KIF6: variants seen among roughly 807,000 people sequenced by gnomAD.
KIF6 encodes kinesin-like protein KIF6.
Under a neutral mutation model 112.7 loss-of-function variants are expected in KIF6, and 106 were observed. The observed-to-expected ratio is 0.94, with a 90% CI of 0.80 to 1.11. KIF6 has a LOEUF of 1.11. Ranked by LOEUF, KIF6 falls within the 50% of genes least tolerant of loss-of-function variation. The pLI, the probability that KIF6 is intolerant of heterozygous loss-of-function variation, is 0.00. For missense variants in KIF6, 929 were observed against 964.0 expected, an observed-to-expected ratio of 0.96 and a Z score of 0.48; for synonymous variants, 339 against 339.9, an observed-to-expected ratio of 1.00 and a Z score of 0.03.
chr6:39,342,917 A>C lies in KIF6; in HGVS notation c.2428+792T>G. 1.0e-6 allele frequency: 1 copy of C among 985,380 alleles called. No homozygotes were observed. The highest frequency in any genetic ancestry group is 1.2e-6 in the Non-Finnish European group (1 of 829,912). The allele number at this position is 985,380 out of a possible 1,614,324, so 61.0% of individuals were successfully genotyped here. A position where few individuals can be genotyped will look rare whatever the true frequency, so the allele number is the denominator to read the frequency against. ...GGCAGGCATCAGTCATTATACATCGAATCTGCCAGCCCATACCATCACGGT... is the reference window on the plus strand; with the variant it reads ...GGCAGGCATCAGTCATTATACATCGCATCTGCCAGCCCATACCATCACGGT... On this transcript the variant is annotated intron_variant, in intron 22 of 22. Coordinates refer to ENST00000287152, the MANE Select transcript of KIF6 (RefSeq NM_145027.6). This position sits in a 1 kb window ranked among gnomAD's most constrained non-coding sequence, Gnocchi z 4.7.
intron 6 of KIF6, among the ~76,000 whole-genome samples, chr6:39,597,263 G>C (rs1782327122): frequency 6.6e-6 from 1 of 152,142 alleles, no homozygotes; most frequent in Non-Finnish European, 1.5e-5. Context: ...AAAATGAAAA[G>C]TAATGCTGTT....
In KIF6 at chr6:39,596,127, G is replaced by T; in HGVS notation, c.773C>A (p.Ala258Glu). Reference protein sequence around the residue: ...LVDLAGSERVAKTGVGGHLLT... With the variant: ...LVDLAGSERVEKTGVGGHLLT... ...AAGATGGCCCCCTACTCCAGTCTTTGCAACTCGCTCTGAACCAGCCAGGTC... is the reference window on the plus strand; with the variant it reads ...AAGATGGCCCCCTACTCCAGTCTTTTCAACTCGCTCTGAACCAGCCAGGTC... The change falls in exon 7 of 23, where the codon GCA becomes GAA. Residue 258 changes from alanine to glutamate, a missense_variant. Around this residue, in one of 2 missense-constraint regions of KIF6, gnomAD observed 688 missense variants for 662.7 expected, o/e 1.04. Coordinates refer to ENST00000287152, the MANE Select transcript of KIF6 (RefSeq NM_145027.6). The T allele has an allele frequency of 6.2e-7, 1 of 1,613,978 alleles. No homozygotes were observed. The highest frequency in any genetic ancestry group is 8.5e-7 in the Non-Finnish European group (1 of 1,179,972).
intron 13 of KIF6, among the ~76,000 whole-genome samples, chr6:39,510,895 A>AAAAAAC (rs1776745735): frequency 6.7e-6 from 1 of 150,172 alleles, no homozygotes; most frequent in Non-Finnish European, 1.5e-5. Context: ...AAAAAAAAAA[A>AAAAAAC]AAGCAAGGGT....
At position 39,582,029 on chromosome 6, in the gene KIF6, T is replaced by C. The variant is rs1263136655; in HGVS notation, c.1077+2869A>G. ...ATCGGATCATGTGGGTTTTGTTTGC[T>C]TCTTTTTTAAAAATATTCTTAGGAT... On this transcript the variant is annotated intron_variant, in intron 9 of 22. Coordinates refer to ENST00000287152, the MANE Select transcript of KIF6 (RefSeq NM_145027.6). Among the ~76,000 whole-genome samples, 3 of 152,204 alleles carry C rather than the reference T, an allele frequency of 2.0e-5. 1 individual carries two copies. Among genetic ancestry groups the C allele is most frequent in the Non-Finnish European group, 4.4e-5 (3 of 68,036 alleles).
intron 13 of KIF6, among the ~76,000 whole-genome samples, chr6:39,529,786 CA>C (rs535194270): frequency 6.3e-5 from 9 of 141,876 alleles, no homozygotes; most frequent in Non-Finnish European, 1.1e-4. Flanking sequence ...GACTCCGTCT[CA>C]AAAAAAAAAG....
chr6:39,511,932 C>G (rs796822502), intron 13 of KIF6, among the ~76,000 whole-genome samples: 11 of 152,150 alleles, frequency 7.2e-5, no homozygotes, highest in African/African-American at 2.4e-4. Context: ...CATCCCACAC[C>G]CAGGCCTGTT....
At chr6:39,480,555 G>A (rs11752977) in intron 13 of KIF6, among the ~76,000 whole-genome samples, 6,974 of 151,940 alleles carry the variant, frequency 0.046, 169 homozygotes, top group Non-Finnish European at 0.053. Flanking sequence ...TTGGTATTAC[G>A]GTGATGCTGG....
chr6:39,392,578 GTGGATAGAACAGAAATTT>G (rs1356711123), intron 15 of KIF6, among the ~76,000 whole-genome samples: 4 of 152,192 alleles, frequency 2.6e-5, no homozygotes, highest in Non-Finnish European at 5.9e-5. Context: ...ACAAGAATAG[GTGGATAGAACAGAAATTT>G]TGAAATAAAA....
chr6:39,516,734 C>CCA (rs1294319091), intron 13 of KIF6, among the ~76,000 whole-genome samples: 1 of 152,068 alleles, frequency 6.6e-6, no homozygotes, highest in Non-Finnish European at 1.5e-5. Context: ...GGATGTGTTG[C>CCA]CACATGCAAC....
chr6:39,578,079 T>C lies in KIF6; in HGVS notation c.1158A>G (p.Ala386=), dbSNP rs1468385357. The C allele has an allele frequency of 1.2e-6, 2 of 1,613,710 alleles. No homozygotes were observed. Among genetic ancestry groups the C allele is most frequent in the Non-Finnish European group, 1.7e-6 (2 of 1,179,670 alleles). The change falls in exon 10 of 23, where the codon GCA becomes GCG. Residue 386 remains alanine (A), a synonymous_variant. Transcript: ENST00000287152. ...ACTGAAGGAGCTCTGCTTCTGTGAG[T>C]GCCTCTGTCCTCTGCTCCCCAGTGA... is the stretch of plus-strand genomic sequence containing the variant. ...AMVTGEQRTE[A]LTEAELLQLE...
chr6:39,453,875 A>C lies in KIF6; in HGVS notation c.1646-22714T>G, dbSNP rs191995254. 1.3e-3 allele frequency among the ~76,000 whole-genome samples: 191 copies of C among 152,248 alleles called. 1 individual carries two copies. Among genetic ancestry groups the C allele is most frequent in the African/African-American group, 4.4e-3 (181 of 41,530 alleles). On this transcript the variant is annotated intron_variant, in intron 13 of 22. Coordinates refer to ENST00000287152, the MANE Select transcript of KIF6 (RefSeq NM_145027.6). Reference sequence around the variant, plus strand: ...CTGGCTTCTTGGCATAGTTCTCTCCATATTCCCCTTGTATGTCTGTGACTG... The same window carrying C: ...CTGGCTTCTTGGCATAGTTCTCTCCCTATTCCCCTTGTATGTCTGTGACTG...
chr6:39,581,388 C>T (rs1236276904), intron 9 of KIF6, among the ~76,000 whole-genome samples: 3 of 151,744 alleles, frequency 2.0e-5, no homozygotes, highest in African/African-American at 7.3e-5. Context: ...TGCACCTGAC[C>T]TCAGGTGATC....
At chr6:39,520,078 A>T (rs368015051) in intron 13 of KIF6, among the ~76,000 whole-genome samples, 8 of 152,262 alleles carry the variant, frequency 5.3e-5, no homozygotes, top group African/African-American at 1.7e-4. Context: ...TGCAGAGGTC[A>T]TGCATGCTAA....
intron 10 of KIF6, among the ~76,000 whole-genome samples, chr6:39,549,797 T>C (rs1464772338): frequency 1.3e-5 from 2 of 152,326 alleles, no homozygotes; most frequent in East Asian, 1.9e-4. Context: ...GCTATGTACA[T>C]AGTTAAGCAG....
intron 18 of KIF6, among the ~76,000 whole-genome samples, chr6:39,358,085 G>A (rs1347046959): frequency 1.3e-5 from 2 of 152,190 alleles, no homozygotes; most frequent in African/African-American, 4.8e-5. Context: ...TTTGTGTAGG[G>A]GAACAGCTCT....
At chr6:39,558,895 G>A (rs1779865844) in intron 10 of KIF6, among the ~76,000 whole-genome samples, 1 of 152,132 alleles carries the variant, frequency 6.6e-6, no homozygotes, top group Non-Finnish European at 1.5e-5. Context: ...TTAAAATACA[G>A]AAACAGCCCT....
chr6:39,554,219 G>T, intron 10 of KIF6: 1 of 154,104 alleles, frequency 6.5e-6, no homozygotes, highest in South Asian at 2.0e-4. Context: ...TGGCCTATGT[G>T]ACTCATGAGG....
At chr6:39,520,447 C>T (rs748929765) in intron 13 of KIF6, among the ~76,000 whole-genome samples, 2 of 152,166 alleles carry the variant, frequency 1.3e-5, no homozygotes. Flanking sequence ...TTCTCTGAGG[C>T]CCAAGATGTT....
intron 13 of KIF6, among the ~76,000 whole-genome samples, chr6:39,472,131 C>T (rs1774150971): frequency 6.6e-6 from 1 of 152,108 alleles, no homozygotes; most frequent in South Asian, 2.1e-4. Flanking sequence ...TCCTCAACTA[C>T]TCTTCACCTT....
Sources: allele counts gnomAD v4.1 joint callset (sites outside exome capture counted in the v4.1 genomes callset), GRCh38; gene constraint gnomAD v4.1.1; regional missense constraint gnomAD v4.1.1; non-coding constraint Gnocchi (gnomAD v3.1); transcripts MANE v1.5; gene names NCBI Gene and HGNC (gene_info 2026-07-23, HGNC 2026-07-21).